The following SV2C variants were observed in gnomAD, a reference collection of about 807,000 sequenced individuals.
SV2C encodes the protein synaptic vesicle glycoprotein 2C.
In SV2C, 49 loss-of-function variants were observed where a neutral mutation model predicts 79.7. The observed-to-expected ratio is 0.61, with a 90% CI of 0.49 to 0.78. The LOEUF is 0.78. SV2C is among the 30% of genes least tolerant of loss of function. The pLI is 0.00. For synonymous variants in SV2C, 334 were observed against 333.2 expected (o/e 1.00, Z -0.03); for missense variants, 833 against 912.9 (o/e 0.91, Z 1.13).
At position 76,185,913 on chromosome 5, in the gene SV2C, T is replaced by C. The variant is rs536228499; in HGVS notation, c.581-9006T>C. On this transcript the variant is annotated intron_variant, in intron 2 of 12. Coordinates refer to ENST00000502798, the MANE Select transcript of SV2C (RefSeq NM_014979.4). ...TGGGTTTTTCTTTTCTATCACATCA[T>C]CAGGCTGCAAGTTTTTCAAACTTTT... 2.6e-4 allele frequency among the ~76,000 whole-genome samples: 39 copies of C among 152,352 alleles called. 1 individual carries two copies. The South Asian group carries it at 8.1e-3, about 32-fold the overall frequency.
the SV2C span, among the ~76,000 whole-genome samples, chr5:75,987,471 C>A: frequency 6.6e-6 from 1 of 151,896 alleles, no homozygotes; most frequent in Non-Finnish European, 1.5e-5. Context: ...GATGATAGAG[C>A]AGAGAGTTGG....
chr5:76,174,316 G>T, intron 2 of SV2C: 1 of 818,176 alleles, frequency 1.2e-6, no homozygotes, highest in Non-Finnish European at 2.0e-6. Context: ...CTGCCGCGCC[G>T]CTCCGGCTGG....
the SV2C span, among the ~76,000 whole-genome samples, chr5:75,965,799 T>C: frequency 6.6e-6 from 1 of 151,982 alleles, no homozygotes; most frequent in Non-Finnish European, 1.5e-5. Context: ...TATACCATAA[T>C]GTCTCAAGTG....
At chr5:76,174,142 A>C (rs1406031020) in intron 2 of SV2C, 2 of 1,611,700 alleles carry the variant, frequency 1.2e-6, no homozygotes, top group Middle Eastern at 1.7e-4. Context: ...CAGACTTTCC[A>C]ACGCCTCGTG....
chr5:75,876,673 T>TAGAGGAA, the SV2C span, among the ~76,000 whole-genome samples: 1 of 152,004 alleles, frequency 6.6e-6, no homozygotes, highest in Admixed American at 6.6e-5. Context: ...AACAATAACG[T>TAGAGGAA]CATAAAGAGG....
intron 2 of SV2C, among the ~76,000 whole-genome samples, chr5:76,143,725 T>C (rs1305073535): frequency 2.0e-5 from 3 of 152,182 alleles, no homozygotes; most frequent in South Asian, 4.1e-4. Flanking sequence ...GCCTTCCTAG[T>C]AGTGGTTCTA....
intron 4 of SV2C, among the ~76,000 whole-genome samples, chr5:76,221,125 T>A (rs1745052642): frequency 6.6e-6 from 1 of 152,216 alleles, no homozygotes; most frequent in South Asian, 2.1e-4. Flanking sequence ...TGTTTAAGTG[T>A]GGCCCTTCCA....
the SV2C span, among the ~76,000 whole-genome samples, chr5:75,865,375 A>G: frequency 6.6e-6 from 1 of 152,200 alleles, no homozygotes; most frequent in African/African-American, 2.4e-5. Flanking sequence ...CAATGGTCAT[A>G]TAAAGGGTCC....
the SV2C span, among the ~76,000 whole-genome samples, chr5:75,882,068 G>C: frequency 1.3e-5 from 2 of 150,234 alleles, no homozygotes; most frequent in Admixed American, 1.3e-4. Flanking sequence ...TGTGGTTTTT[G>C]TCATTGGTTC....
At chr5:76,292,037 G>T (rs1033271536) in intron 8 of SV2C, among the ~76,000 whole-genome samples, 181 bp downstream of exon 8, 1 of 152,014 alleles carries the variant, frequency 6.6e-6, no homozygotes, top group African/African-American at 2.4e-5. Flanking sequence ...TATTTGTTTT[G>T]TCATAAAGCT....
chr5:76,207,026 C>G (rs766180535), intron 3 of SV2C, among the ~76,000 whole-genome samples: 3 of 152,086 alleles, frequency 2.0e-5, no homozygotes, highest in Admixed American at 1.3e-4. Flanking sequence ...AAAATAACCA[C>G]GTGCAAAAGA....
chr5:76,124,703 G>A (rs1406335666), intron 1 of SV2C, among the ~76,000 whole-genome samples: 1 of 152,104 alleles, frequency 6.6e-6, no homozygotes, highest in African/African-American at 2.4e-5. Context: ...TTTTCACAGA[G>A]GCTGTACCAT....
chr5:76,066,022 C>T, the SV2C span, among the ~76,000 whole-genome samples: 1 of 152,100 alleles, frequency 6.6e-6, no homozygotes, highest in Non-Finnish European at 1.5e-5. Flanking sequence ...CAGGGTCTAT[C>T]AGAAAGGACC....
intron 4 of SV2C, among the ~76,000 whole-genome samples, chr5:76,215,614 A>G (rs1396863868): frequency 6.6e-6 from 1 of 152,228 alleles, no homozygotes; most frequent in East Asian, 1.9e-4. Context: ...GCCACAGTCC[A>G]CAGAAACAAG....
At chr5:76,042,220 A>G in the SV2C span, among the ~76,000 whole-genome samples, 1 of 152,188 alleles carries the variant, frequency 6.6e-6, no homozygotes, top group Admixed American at 6.5e-5. Context: ...TTTTACAATG[A>G]CAAAAAAATG....
At chr5:76,047,167 C>T in the SV2C span, among the ~76,000 whole-genome samples, 2 of 152,126 alleles carry the variant, frequency 1.3e-5, no homozygotes, top group Non-Finnish European at 2.9e-5. Context: ...TGAATGTTCA[C>T]AAAGTGAACA....
the SV2C span, among the ~76,000 whole-genome samples, chr5:76,031,448 T>C: frequency 2.0e-5 from 3 of 152,246 alleles, no homozygotes; most frequent in Non-Finnish European, 4.4e-5. Context: ...TTCTTGCTGC[T>C]GTTACCTTGA....
At position 76,325,804 on chromosome 5, in the gene SV2C, G is replaced by A; in HGVS notation, c.*257G>A. 2.5e-6 allele frequency: 1 copy of A among 394,420 alleles called. No homozygotes were observed. Among genetic ancestry groups the A allele is most frequent in the Non-Finnish European group, 4.3e-6 (1 of 230,204 alleles). The allele number at this position is 394,420 out of a possible 1,614,324, so 24.4% of individuals were successfully genotyped here. A position where few individuals can be genotyped will look rare whatever the true frequency, so the allele number is the denominator to read the frequency against. ...ATGCTACTGCCTCCCGCAAATCAGT[G>A]GAAGCATTTCTAAAATGCCCTAGGC... On this transcript the variant is annotated 3_prime_UTR_variant, in exon 13 of 13. Transcript: ENST00000502798.
chr5:76,186,734 G>A (rs1043187328), intron 2 of SV2C, among the ~76,000 whole-genome samples: 1 of 152,072 alleles, frequency 6.6e-6, no homozygotes, highest in Admixed American at 6.6e-5. Context: ...CAGTTCCACA[G>A]GGATGGGGAG....
Sources: allele counts gnomAD v4.1 joint callset (sites outside exome capture counted in the v4.1 genomes callset), GRCh38; gene constraint gnomAD v4.1.1; transcripts MANE v1.5; gene names NCBI Gene and HGNC (gene_info 2026-07-23, HGNC 2026-07-21).